Variants in SLC4A4 observed in about 807,000 individuals in gnomAD.
SLC4A4 encodes the protein solute carrier family 4 member 4, also known as electrogenic sodium bicarbonate cotransporter 1.
SLC4A4 carries 27 observed loss-of-function variants against 111.5 expected under a neutral mutation model. The ratio of observed to expected loss-of-function variants is 0.24; its 90% CI spans 0.18 to 0.33. SLC4A4 has a LOEUF of 0.33. SLC4A4 is among the 10% of genes least tolerant of loss of function. The probability of loss-of-function intolerance (pLI) is 1.00; values close to 1 mark genes in which losing one functional copy is unlikely to be tolerated. For missense variants in SLC4A4, 909 were observed against 1,315.5 expected, an observed-to-expected ratio of 0.69 and a Z score of 4.78; for synonymous variants, 443 against 463.4, an observed-to-expected ratio of 0.96 and a Z score of 0.57.
intron 2 of SLC4A4, among the ~76,000 whole-genome samples, chr4:71,169,449 C>T (rs751956604): frequency 1.3e-5 from 2 of 152,128 alleles, no homozygotes; most frequent in Non-Finnish European, 2.9e-5. Context: ...CTCTGATGAT[C>T]GATGATGTCG....
At chr4:71,364,395 C>A (rs1035922798) in intron 6 of SLC4A4, among the ~76,000 whole-genome samples, 1 of 152,116 alleles carries the variant, frequency 6.6e-6, no homozygotes, top group Admixed American at 6.5e-5. Context: ...ATGTGAGATA[C>A]CATTGTGCTT....
At chr4:71,481,988 G>T (rs1175364611) in intron 14 of SLC4A4, among the ~76,000 whole-genome samples, 1 of 151,576 alleles carries the variant, frequency 6.6e-6, no homozygotes, top group Admixed American at 6.6e-5. Context: ...ACAGTGTAGA[G>T]TGTTTTGGCT....
chr4:71,288,660 T>G (rs990108811), intron 3 of SLC4A4, among the ~76,000 whole-genome samples: 2 of 151,916 alleles, frequency 1.3e-5, no homozygotes, highest in African/African-American at 4.8e-5. Flanking sequence ...TGGCCTCCCA[T>G]AGTGCTGAGA....
chr4:71,135,832 T>G (rs907514567), intron 2 of SLC4A4, among the ~76,000 whole-genome samples: 1 of 152,150 alleles, frequency 6.6e-6, no homozygotes, highest in African/African-American at 2.4e-5. Flanking sequence ...TATCTCATGG[T>G]ATTTAACTTC....
intron 6 of SLC4A4, among the ~76,000 whole-genome samples, chr4:71,373,185 A>G (rs1008118190): frequency 6.6e-6 from 1 of 152,214 alleles, no homozygotes; most frequent in African/African-American, 2.4e-5. Context: ...TCTTCTAGTT[A>G]TATGGTCCAA....
At chr4:71,084,558 C>G (rs1457093873) in intron 1 of SLC4A4, among the ~76,000 whole-genome samples, 2 of 151,892 alleles carry the variant, frequency 1.3e-5, no homozygotes, top group African/African-American at 4.9e-5. Flanking sequence ...TCCCCCCTGC[C>G]CCCACTGCAC....
chr4:71,335,095 C>A (rs1728327112), intron 3 of SLC4A4, among the ~76,000 whole-genome samples: 1 of 152,032 alleles, frequency 6.6e-6, no homozygotes, highest in Non-Finnish European at 1.5e-5. Context: ...AGGTGAGGAT[C>A]AAAAAACTAC....
intron 1 of SLC4A4, among the ~76,000 whole-genome samples, chr4:71,199,040 C>T (rs1746134225): frequency 6.6e-6 from 1 of 152,182 alleles, no homozygotes; most frequent in African/African-American, 2.4e-5. Context: ...TGGTTATTCT[C>T]TCTTTACTCA....
chr4:71,501,529 G>A (rs1730922097), intron 16 of SLC4A4, among the ~76,000 whole-genome samples: 1 of 148,190 alleles, frequency 6.7e-6, no homozygotes. Context: ...GTTATCAGGT[G>A]TAATGTCTCT....
At chr4:71,566,599 G>C (rs1294351509) in intron 24 of SLC4A4, among the ~76,000 whole-genome samples, 1 of 151,650 alleles carries the variant, frequency 6.6e-6, no homozygotes, top group Non-Finnish European at 1.5e-5. Flanking sequence ...GAACAAAACT[G>C]ATAGAAGTAG....
chr4:71,479,419 A>G (rs985638916), intron 14 of SLC4A4, among the ~76,000 whole-genome samples: 2 of 151,716 alleles, frequency 1.3e-5, no homozygotes, highest in Non-Finnish European at 3.0e-5. Context: ...TTTTTCTAAT[A>G]TATTAATAAG....
At chr4:71,245,364 T>G (rs906451515) in intron 2 of SLC4A4, among the ~76,000 whole-genome samples, 1 of 152,168 alleles carries the variant, frequency 6.6e-6, no homozygotes, top group Non-Finnish European at 1.5e-5. Context: ...GGAGACAGTG[T>G]CCCAAGAGGG....
At chr4:71,290,999 A>G (rs534182535) in intron 3 of SLC4A4, among the ~76,000 whole-genome samples, 48 of 152,364 alleles carry the variant, frequency 3.2e-4, no homozygotes, top group African/African-American at 1.1e-3. Flanking sequence ...TTTACATGGA[A>G]GTGGAGGCAC....
intron 12 of SLC4A4, among the ~76,000 whole-genome samples, chr4:71,462,555 T>C (rs1342366624): frequency 6.6e-6 from 1 of 151,718 alleles, no homozygotes; most frequent in East Asian, 1.9e-4. Context: ...ACTACAGGTG[T>C]GCACCACCAT....
intron 18 of SLC4A4, among the ~76,000 whole-genome samples, chr4:71,536,476 A>ATG (rs1560598071): frequency 8.8e-4 from 82 of 93,120 alleles, no homozygotes; most frequent in Non-Finnish European, 1.6e-3. Flanking sequence ...ATATATATAT[A>ATG]TATATATATA....
At chr4:71,458,722 G>A (rs1381204814) in intron 12 of SLC4A4, among the ~76,000 whole-genome samples, 1 of 152,010 alleles carries the variant, frequency 6.6e-6, no homozygotes, top group African/African-American at 2.4e-5. Context: ...TACATGTGAT[G>A]TTCCTTGATA....
intron 2 of SLC4A4, among the ~76,000 whole-genome samples, chr4:71,179,979 A>T (rs537673643): frequency 6.7e-4 from 102 of 152,240 alleles, no homozygotes; most frequent in African/African-American, 2.4e-3. Flanking sequence ...AACCAAAACA[A>T]AATGGTACTG....
intron 20 of SLC4A4, among the ~76,000 whole-genome samples, chr4:71,552,100 T>C (rs1310323372): frequency 2.0e-5 from 3 of 151,920 alleles, no homozygotes; most frequent in African/African-American, 7.2e-5. Flanking sequence ...CAGTCAGGTC[T>C]TCATGATAAT....
intron 23 of SLC4A4, 87 bp from the exon 24 acceptor site, chr4:71,563,706 T>C: frequency 2.3e-6 from 2 of 858,938 alleles, no homozygotes; most frequent in Non-Finnish European, 4.0e-6. Flanking sequence ...TGTAAATGAT[T>C]ATAGAAAACG....
Sources: allele counts gnomAD v4.1 joint callset (sites outside exome capture counted in the v4.1 genomes callset), GRCh38; gene constraint gnomAD v4.1.1; transcripts MANE v1.5; gene names NCBI Gene and HGNC (gene_info 2026-07-23, HGNC 2026-07-21).